CAB39: variants seen among roughly 807,000 people sequenced by gnomAD.
CAB39 encodes calcium-binding protein 39.
Under a neutral mutation model 40.0 loss-of-function variants are expected in CAB39, and 8 were observed. That is an observed-to-expected ratio of 0.20 (90% confidence interval 0.12 to 0.36). The LOEUF is 0.36. Among genes scored for constraint, CAB39 ranks in the 10% least tolerant of loss-of-function variants. CAB39 has a pLI of 1.00. For synonymous variants in CAB39, 156 were observed against 141.6 expected (o/e 1.10, Z -0.72); for missense variants, 270 against 401.1 (o/e 0.67, Z 2.79).
chr2:230,740,746 C>T (rs573763337), intron 1 of CAB39, among the ~76,000 whole-genome samples: 1 of 152,312 alleles, frequency 6.6e-6, no homozygotes, highest in East Asian at 1.9e-4. Flanking sequence ...GGCAGTAATG[C>T]TCTCTCACCC....
chr2:230,759,985 C>G lies in CAB39; in HGVS notation c.-17C>G, dbSNP rs777852612. 4.9e-6 allele frequency: 7 copies of G among 1,438,492 alleles called. No individual in the cohort carries two copies. The highest frequency in any genetic ancestry group is 3.5e-4 in the Middle Eastern group (2 of 5,748). The allele number at this position is 1,438,492 out of a possible 1,614,324, so 89.1% of individuals were successfully genotyped here. On this transcript the variant is annotated 5_prime_UTR_variant, in exon 2 of 9. Coordinates refer to ENST00000258418, the MANE Select transcript of CAB39 (RefSeq NM_016289.4). Reference sequence around the variant, plus strand: ...TAGCACAGGCGGAGTGCAGCGGAGGCCCCTGCCGCTGCCGTCATGCCGTTC... The same window carrying G: ...TAGCACAGGCGGAGTGCAGCGGAGGGCCCTGCCGCTGCCGTCATGCCGTTC...
intron 2 of CAB39, among the ~76,000 whole-genome samples, chr2:230,775,281 G>A (rs1010615173): frequency 1.3e-5 from 2 of 151,312 alleles, no homozygotes; most frequent in Admixed American, 1.3e-4. Flanking sequence ...CTGTTGCGAG[G>A]CTGGAGTGTA....
At chr2:230,792,832 A>G (rs1403268718) in intron 3 of CAB39, among the ~76,000 whole-genome samples, 10 of 152,256 alleles carry the variant, frequency 6.6e-5, no homozygotes, top group Admixed American at 4.6e-4. Context: ...AGTGTTCCCA[A>G]TGTAAGCATC....
intron 2 of CAB39, among the ~76,000 whole-genome samples, chr2:230,780,043 T>G (rs1053199799): frequency 1.3e-5 from 2 of 152,160 alleles, no homozygotes; most frequent in African/African-American, 4.8e-5. Context: ...TCCAGTTCCC[T>G]TAATTATCGG....
At chr2:230,716,929 G>C (rs1295231217) in intron 1 of CAB39, among the ~76,000 whole-genome samples, 3 of 152,192 alleles carry the variant, frequency 2.0e-5, no homozygotes, top group Admixed American at 1.3e-4. Context: ...CCTGAGCCCA[G>C]GAATTTGCAG....
intron 2 of CAB39, among the ~76,000 whole-genome samples, chr2:230,763,602 AC>A (rs1695332894): frequency 6.6e-6 from 1 of 152,036 alleles, no homozygotes. Context: ...AAAAAAAAAA[AC>A]AAAGACGAGA....
At chr2:230,794,652 G>A (rs574228214) in intron 4 of CAB39, among the ~76,000 whole-genome samples, 1 of 152,338 alleles carries the variant, frequency 6.6e-6, no homozygotes, top group South Asian at 2.1e-4. Flanking sequence ...CCAGGAAGTA[G>A]CATGGAGAAT....
intron 1 of CAB39, among the ~76,000 whole-genome samples, chr2:230,727,363 C>T (rs917700820): frequency 1.6e-5 from 2 of 126,946 alleles, no homozygotes; most frequent in Admixed American, 8.1e-5. Flanking sequence ...GATTGTTAAC[C>T]GTGTGTGTGT....
chr2:230,730,143 C>T (rs1042605245), intron 1 of CAB39, among the ~76,000 whole-genome samples: 15 of 151,984 alleles, frequency 9.9e-5, no homozygotes, highest in African/African-American at 3.4e-4. Flanking sequence ...AGAATCTTGC[C>T]CTGTCACCCA....
At chr2:230,793,783 C>T (rs1357558019) in intron 4 of CAB39, among the ~76,000 whole-genome samples, 2 of 152,212 alleles carry the variant, frequency 1.3e-5, no homozygotes, top group Non-Finnish European at 2.9e-5. Context: ...CAGCAAAGTA[C>T]ATGTTTATGA....
intron 5 of CAB39, among the ~76,000 whole-genome samples, chr2:230,809,337 CAT>C (rs982011534): frequency 2.6e-5 from 4 of 152,326 alleles, no homozygotes; most frequent in Non-Finnish European, 5.9e-5. Flanking sequence ...AACCTTCAAA[CAT>C]AAACAGGAAC....
intron 6 of CAB39, among the ~76,000 whole-genome samples, chr2:230,812,778 A>G (rs1360186859): frequency 6.6e-6 from 1 of 152,202 alleles, no homozygotes; most frequent in Non-Finnish European, 1.5e-5. Context: ...CCAGAAAGCA[A>G]ATTTTTGAGG....
At position 230,790,837 on chromosome 2, in the gene CAB39, T is replaced by C. The variant is rs201218219; in HGVS notation, c.115-35T>C. 85 of 1,560,948 alleles carry C rather than the reference T, an allele frequency of 5.4e-5. No individual in the cohort carries two copies. The East Asian group carries it at 1.6e-3, about 30-fold the overall frequency. On this transcript the variant is annotated intron_variant, in intron 2 of 8. Transcript: ENST00000258418. ...ATATGTTTGTTAAAATGAATTGTTT[T>C]TTCTCCTCTTCCCAACTCCTCTCTC...
rs143160907 is a variant in CAB39, at chr2:230,769,072, TG to T, written c.114+8958del. Among the ~76,000 whole-genome samples the T allele has an allele frequency of 5.6e-3, 854 of 152,270 alleles. 7 individuals carry two copies. The highest frequency in any genetic ancestry group is 0.019 in the African/African-American group (803 of 41,572). On this transcript the variant is annotated intron_variant, in intron 2 of 8. Coordinates refer to ENST00000258418, the MANE Select transcript of CAB39 (RefSeq NM_016289.4). ...AAGAAGAATGGAAAAAGATAAACTT[TG>T]TTAACACTCATAAAAAGAAAGCTGG... is the stretch of plus-strand genomic sequence containing the variant.
At chr2:230,735,661 G>A (rs527404338) in intron 1 of CAB39, among the ~76,000 whole-genome samples, 88 of 151,796 alleles carry the variant, frequency 5.8e-4, no homozygotes, top group African/African-American at 2.1e-3. Flanking sequence ...CCCTAGGTGC[G>A]CATCACCACA....
chr2:230,727,469 C>T (rs193030573), intron 1 of CAB39, among the ~76,000 whole-genome samples: 151 of 143,486 alleles, frequency 1.1e-3, no homozygotes, highest in Admixed American at 2.4e-3. Context: ...CGCTGGAGTG[C>T]GGTGGCGCAG....
At chr2:230,779,901 G>A (rs1695656717) in intron 2 of CAB39, among the ~76,000 whole-genome samples, 1 of 152,206 alleles carries the variant, frequency 6.6e-6, no homozygotes, top group Non-Finnish European at 1.5e-5. Context: ...AGGCTTTTAT[G>A]TTAGCTTGAG....
At chr2:230,718,709 CA>C (rs1694395810) in intron 1 of CAB39, among the ~76,000 whole-genome samples, 2 of 152,116 alleles carry the variant, frequency 1.3e-5, no homozygotes, top group South Asian at 2.1e-4. Context: ...TAGGCTTTTC[CA>C]GGGGGGAGAA....
At chr2:230,791,976 C>T (rs887478104) in intron 3 of CAB39, among the ~76,000 whole-genome samples, 2 of 152,094 alleles carry the variant, frequency 1.3e-5, no homozygotes, top group African/African-American at 4.8e-5. Context: ...GAGTGGATGT[C>T]TGTACAGGTG....
Sources: gnomAD v4.1 joint callset for allele counts (sites outside exome capture counted in the v4.1 genomes callset) on GRCh38, gnomAD v4.1.1 for gene constraint, MANE v1.5 for transcripts, NCBI Gene and HGNC (gene_info 2026-07-23, HGNC 2026-07-21) for gene names.